The following KREMEN1 variants were observed in gnomAD, a reference collection of about 807,000 sequenced individuals.
KREMEN1 encodes the protein kremen protein 1.
KREMEN1 carries 30 observed loss-of-function variants against 46.5 expected under a neutral mutation model. That is an observed-to-expected ratio of 0.65 (90% CI 0.48 to 0.88). KREMEN1 has a LOEUF of 0.88. Ranked by LOEUF, KREMEN1 falls within the 40% of genes least tolerant of loss-of-function variation. The probability of loss-of-function intolerance (pLI) is 0.00; values close to 1 mark genes in which losing one functional copy is unlikely to be tolerated. For synonymous variants in KREMEN1, 214 were observed against 230.6 expected (o/e 0.93, Z 0.65); for missense variants, 533 against 596.9 (o/e 0.89, Z 1.11).
chr22:29,143,074 C>A lies in KREMEN1; in HGVS notation c.*962C>A. On this transcript the variant is annotated 3_prime_UTR_variant, in exon 9 of 9. Coordinates refer to ENST00000400335, the MANE Select transcript of KREMEN1 (RefSeq NM_001039570.3). Reference sequence around the variant, plus strand: ...CTGAGACAGAAGAACAGCTTGAACCCAGGAGGCTGAGATTGCAGTGAGCCG... The same window carrying A: ...CTGAGACAGAAGAACAGCTTGAACCAAGGAGGCTGAGATTGCAGTGAGCCG... 1 of 582,580 alleles carries A rather than the reference C, an allele frequency of 1.7e-6. No individual in the cohort carries two copies. The highest frequency in any genetic ancestry group is 2.2e-6 in the Non-Finnish European group (1 of 461,952). The allele number at this position is 582,580 out of a possible 1,614,324, so 36.1% of individuals were successfully genotyped here.
At chr22:29,140,497 G>A (rs2038745404) in intron 8 of KREMEN1, 131 bp downstream of exon 8, 6 of 669,412 alleles carry the variant, frequency 9.0e-6, no homozygotes, top group Admixed American at 5.1e-5. Flanking sequence ...CCTAGGGAAC[G>A]GAAGGCAGCA....
intron 9 of KREMEN1, among the ~76,000 whole-genome samples, chr22:29,155,610 C>T (rs1458639348): frequency 6.6e-6 from 1 of 152,114 alleles, no homozygotes; most frequent in East Asian, 1.9e-4. Context: ...GCTTGAATCT[C>T]TTACATTCAT....
At chr22:29,078,216 C>A (rs2037601727) in intron 1 of KREMEN1, among the ~76,000 whole-genome samples, 1 of 152,078 alleles carries the variant, frequency 6.6e-6, no homozygotes, top group Non-Finnish European at 1.5e-5. Flanking sequence ...TGAGATTGTG[C>A]CACTGCACTC....
At chr22:29,088,205 A>T (rs2037756374) in intron 1 of KREMEN1, among the ~76,000 whole-genome samples, 1 of 152,112 alleles carries the variant, frequency 6.6e-6, no homozygotes, top group Admixed American at 6.5e-5. Flanking sequence ...CTTTAAACAG[A>T]ATTGTAGTAG....
intron 5 of KREMEN1, among the ~76,000 whole-genome samples, chr22:29,131,560 A>ATACGTG (rs1240832937): frequency 1.4e-5 from 1 of 69,942 alleles, no homozygotes; most frequent in East Asian, 3.3e-4. Context: ...ATATATATAT[A>ATACGTG]TGTGTGTGTG....
At chr22:29,125,102 A>G in intron 4 of KREMEN1, 161 bp from the exon 5 acceptor site, 1 of 701,200 alleles carries the variant, frequency 1.4e-6, no homozygotes, top group South Asian at 1.8e-5. Context: ...GTTCAGCTTG[A>G]AATTAAGTGT....
At chr22:29,092,011 C>T (rs1266571337) in intron 1 of KREMEN1, among the ~76,000 whole-genome samples, 9 of 152,150 alleles carry the variant, frequency 5.9e-5, no homozygotes, top group Non-Finnish European at 1.0e-4. Context: ...GAGGCTGCAT[C>T]ACAGAGGCCT....
intron 3 of KREMEN1, among the ~76,000 whole-genome samples, chr22:29,118,388 G>A (rs1196541051): frequency 6.6e-6 from 1 of 152,128 alleles, no homozygotes; most frequent in Non-Finnish European, 1.5e-5. Context: ...TTATACAAGG[G>A]CATGAATACC....
chr22:29,156,568 CTCTCCGCACAG>C (rs2038964367), intron 9 of KREMEN1, among the ~76,000 whole-genome samples: 1 of 34,314 alleles, frequency 2.9e-5, no homozygotes, highest in Non-Finnish European at 6.6e-5. Flanking sequence ...CACAGGAATG[CTCTCCGCACAG>C]GACGCTGGCT....
At chr22:29,139,297 A>G (rs2038720839) in intron 7 of KREMEN1, among the ~76,000 whole-genome samples, 1 of 152,196 alleles carries the variant, frequency 6.6e-6, no homozygotes, top group African/African-American at 2.4e-5. Flanking sequence ...TAATGATAAG[A>G]GCTATGAAGA....
chr22:29,086,073 G>A (rs117895835), intron 1 of KREMEN1, among the ~76,000 whole-genome samples: 3 of 148,890 alleles, frequency 2.0e-5, no homozygotes, highest in Non-Finnish European at 3.0e-5. Flanking sequence ...TTAGAGAAAC[G>A]TAGAATTAGA....
At position 29,142,423 on chromosome 22, in the gene KREMEN1, G is replaced by C. The variant is rs2038778803; in HGVS notation, c.*311G>C. ...AGGACAGTGAGGCTGAGATGACAGA[G>C]GTGGTCATGGCTGGCACAGGGCTCA... On this transcript the variant is annotated 3_prime_UTR_variant, in exon 9 of 9. Coordinates refer to ENST00000400335, the MANE Select transcript of KREMEN1 (RefSeq NM_001039570.3). 9.3e-7 allele frequency: 1 copy of C among 1,075,252 alleles called. No homozygotes were observed. Among genetic ancestry groups the C allele is most frequent in the Non-Finnish European group, 1.1e-6 (1 of 888,712 alleles). The allele number at this position is 1,075,252 out of a possible 1,614,324, so 66.6% of individuals were successfully genotyped here.
At chr22:29,089,720 G>A (rs134651) in intron 1 of KREMEN1, among the ~76,000 whole-genome samples, 74,800 of 152,022 alleles carry the variant, frequency 0.49, 19,150 homozygotes, top group Middle Eastern at 0.62. Flanking sequence ...GACCTTACAC[G>A]TCCTGACCTT....
chr22:29,095,357 T>G (rs2037868666), intron 2 of KREMEN1, among the ~76,000 whole-genome samples: 1 of 152,232 alleles, frequency 6.6e-6, no homozygotes, highest in African/African-American at 2.4e-5. Context: ...ATAGCTTTGA[T>G]CAGCTTCTCA....
chr22:29,153,461 A>G (rs1192431562), intron 9 of KREMEN1, among the ~76,000 whole-genome samples: 7 of 151,830 alleles, frequency 4.6e-5, no homozygotes, highest in Admixed American at 4.6e-4. Context: ...CAATCCTTCC[A>G]TCTCAGCTTC....
At chr22:29,078,598 T>C (rs1481914376) in intron 1 of KREMEN1, among the ~76,000 whole-genome samples, 1 of 152,210 alleles carries the variant, frequency 6.6e-6, no homozygotes, top group Non-Finnish European at 1.5e-5. Flanking sequence ...AAAATAACAA[T>C]GTGCTTAGCA....
At chr22:29,107,505 CCACCA>C (rs1413392390) in intron 3 of KREMEN1, among the ~76,000 whole-genome samples, 1 of 152,062 alleles carries the variant, frequency 6.6e-6, no homozygotes, top group African/African-American at 2.4e-5. Context: ...CAGGCATGAG[CCACCA>C]CACTTGGCTG....
chr22:29,144,359 G>C lies in KREMEN1; in HGVS notation c.*2247G>C, dbSNP rs1345515713. On this transcript the variant is annotated 3_prime_UTR_variant, in exon 9 of 9. Coordinates refer to ENST00000400335, the MANE Select transcript of KREMEN1 (RefSeq NM_001039570.3). The stretch of plus-strand genomic sequence containing the variant: ...AGGTGCTTGGAGCTTCAGGCAGAGG[G>C]GCCTTCAGAGGAGGGAAACGGAGCA... 2.0e-6 allele frequency: 2 copies of C among 985,862 alleles called. No homozygotes were observed. Among genetic ancestry groups the C allele is most frequent in the Non-Finnish European group, 2.4e-6 (2 of 830,262 alleles). 61.1% of individuals were successfully genotyped at this position (985,862 alleles called of 1,614,324 possible). A position where few individuals can be genotyped will look rare whatever the true frequency, so the allele number is the denominator to read the frequency against.
chr22:29,167,215 C>A, exon 10 of KREMEN1: 1 of 929,946 alleles, frequency 1.1e-6, no homozygotes, highest in Non-Finnish European at 1.7e-6. Flanking sequence ...TCTCTCTGGC[C>A]CAGCGTGGTG....
Sources: gnomAD v4.1 joint callset for allele counts (sites outside exome capture counted in the v4.1 genomes callset) on GRCh38, gnomAD v4.1.1 for gene constraint, MANE v1.5 for transcripts, NCBI Gene and HGNC (gene_info 2026-07-23, HGNC 2026-07-21) for gene names.